Variants in PCDHGB1 observed in about 807,000 individuals in gnomAD.
PCDHGB1 encodes the protein protocadherin gamma-B1.
Under a neutral mutation model 56.6 loss-of-function variants are expected in PCDHGB1, and 34 were observed. The ratio of observed to expected loss-of-function variants is 0.60; its 90% CI spans 0.46 to 0.80. The LOEUF (loss-of-function observed/expected upper bound fraction) is 0.80. Among genes scored for constraint, PCDHGB1 ranks in the 30% least tolerant of loss-of-function variants. The pLI is 0.00. For missense variants in PCDHGB1, 1,278 were observed against 1,204.6 expected (o/e 1.06, Z -0.90); for synonymous variants, 561 against 505.9 (o/e 1.11, Z -1.46).
Position 141,511,345 on chromosome 5 carries a change from TC to T in PCDHGB1, c.*179del, listed in dbSNP as rs535135679. On this transcript the variant is annotated 3_prime_UTR_variant, in exon 4 of 4. Coordinates refer to ENST00000523390, the MANE Select transcript of PCDHGB1 (RefSeq NM_018922.3). ...AAGTGCCCAGTCAGCACCTACCCCTTCCCCCCCAGGGGGTTGAATATGCAAA... is the reference window on the plus strand; with the variant it reads ...AAGTGCCCAGTCAGCACCTACCCCTTCCCCCCAGGGGGTTGAATATGCAAA... The T allele has an allele frequency of 2.2e-5, 31 of 1,410,342 alleles. No individual in the cohort carries two copies. Among genetic ancestry groups the T allele is most frequent in the South Asian group, 2.9e-5 (2 of 68,200 alleles). 87.4% of individuals were successfully genotyped at this position (1,410,342 alleles called of 1,614,324 possible). A position where few individuals can be genotyped will look rare whatever the true frequency, so the allele number is the denominator to read the frequency against.
chr5:141,366,048 C>T (rs777611384), intron 1 of PCDHGB1: 9 of 1,614,262 alleles, frequency 5.6e-6, no homozygotes, highest in South Asian at 5.5e-5. Flanking sequence ...GACGGTTCCA[C>T]GGGCGTGGAG....
chr5:141,391,896 G>A (rs2092439615), intron 1 of PCDHGB1: 1 of 152,128 alleles, frequency 6.6e-6, no homozygotes, highest in Non-Finnish European at 1.5e-5. Flanking sequence ...ATGGGATGGA[G>A]CTTTGCTTTT....
At position 141,489,220 on chromosome 5, in the gene PCDHGB1, C is replaced by T; in HGVS notation, c.2410-5587C>T. ...AGACAGGACAGCACAGACTTACTCT[C>T]CACAAAGGGACTTCTGGGTCATGGG... On this transcript the variant is annotated intron_variant, in intron 1 of 3. Transcript: ENST00000523390. This position sits in a 1 kb window ranked among gnomAD's most constrained non-coding sequence, Gnocchi z 4.5. The T allele has an allele frequency of 6.6e-7, 1 of 1,508,698 alleles. No homozygotes were observed. The highest frequency in any genetic ancestry group is 8.9e-7 in the Non-Finnish European group (1 of 1,122,110). The allele number at this position is 1,508,698 out of a possible 1,614,324, so 93.5% of individuals were successfully genotyped here.
At chr5:141,413,812 C>T in intron 1 of PCDHGB1, 2 of 1,613,144 alleles carry the variant, frequency 1.2e-6, no homozygotes, top group Non-Finnish European at 1.7e-6. Flanking sequence ...GGCCATTCAC[C>T]ACCTGGTCCT....
chr5:141,412,108 G>A (rs897331971), intron 1 of PCDHGB1: 2 of 152,198 alleles, frequency 1.3e-5, no homozygotes, highest in Admixed American at 6.5e-5. Flanking sequence ...CACAGTTGAA[G>A]ATATGTGAAC....
intron 1 of PCDHGB1, among the ~76,000 whole-genome samples, chr5:141,484,819 G>A (rs2099601374): frequency 1.3e-5 from 2 of 152,122 alleles, no homozygotes; most frequent in Admixed American, 1.3e-4. Flanking sequence ...GCCGTTGAGC[G>A]GGAGGAAGGC....
intron 1 of PCDHGB1, chr5:141,410,045 G>A (rs962300160): frequency 1.9e-6 from 3 of 1,613,048 alleles, no homozygotes; most frequent in African/African-American, 1.3e-5. Context: ...CAGTGAGCCC[G>A]GACTCTTCAG....
intron 1 of PCDHGB1, among the ~76,000 whole-genome samples, chr5:141,437,686 G>A (rs1025629140): frequency 2.6e-5 from 4 of 151,740 alleles, no homozygotes; most frequent in African/African-American, 9.7e-5. Flanking sequence ...AACTGATGAG[G>A]CTAAATCTCA....
chr5:141,415,961 C>T, intron 1 of PCDHGB1: 1 of 438,836 alleles, frequency 2.3e-6, no homozygotes, highest in Non-Finnish European at 3.6e-6. Context: ...TATTGAAACT[C>T]CAGCCCCTTA....
In PCDHGB1 at chr5:141,432,038, C is replaced by T. The variant is rs202246871; in HGVS notation, c.2410-62769C>T. ...CAACATCACAGTGACCGCCACTGAC[C>T]GGGGAACCCCGCCCCTATCCACGGA... On this transcript the variant is annotated intron_variant, in intron 1 of 3. Coordinates refer to ENST00000523390, the MANE Select transcript of PCDHGB1 (RefSeq NM_018922.3). The surrounding 1 kb of genome is among the most constrained non-coding windows in gnomAD (Gnocchi z 6.0). 15 of 1,614,190 alleles carry T rather than the reference C, an allele frequency of 9.3e-6. No individual in the cohort carries two copies. The African/African-American group carries it at 1.5e-4, about 16-fold the overall frequency.
Position 141,476,656 on chromosome 5 carries a change from T to G in PCDHGB1, c.2410-18151T>G, listed in dbSNP as rs190269177. On this transcript the variant is annotated intron_variant, in intron 1 of 3. Transcript: ENST00000523390. The surrounding 1 kb of genome is among the most constrained non-coding windows in gnomAD (Gnocchi z 7.6). ...ATGAGCTGAGCCGAAATGAATACTTTGCGCTTCGCGTGCAGACGCGGGAGG... is the reference window on the plus strand; with the variant it reads ...ATGAGCTGAGCCGAAATGAATACTTGGCGCTTCGCGTGCAGACGCGGGAGG... The G allele has an allele frequency of 1.2e-6, 2 of 1,614,210 alleles. No individual in the cohort carries two copies. The highest frequency in any genetic ancestry group is 1.7e-6 in the Non-Finnish European group (2 of 1,180,044).
At chr5:141,355,212 T>G in intron 1 of PCDHGB1, 1 of 1,600,656 alleles carries the variant, frequency 6.2e-7, no homozygotes, top group Non-Finnish European at 8.5e-7. Flanking sequence ...TGGCGGCGCC[T>G]CCTGCTCGCC....
intron 1 of PCDHGB1, among the ~76,000 whole-genome samples, chr5:141,462,550 A>G (rs1485478117): frequency 6.6e-6 from 1 of 151,942 alleles, no homozygotes; most frequent in East Asian, 1.9e-4. Flanking sequence ...TTTCTTCTTC[A>G]GTGTTTACTG....
intron 1 of PCDHGB1, among the ~76,000 whole-genome samples, chr5:141,454,357 TAGAA>T (rs758087339): frequency 3.5e-4 from 54 of 152,354 alleles, no homozygotes; most frequent in Non-Finnish European, 6.3e-4. Context: ...GATCCAAACT[TAGAA>T]AGGAGTATGG....
chr5:141,421,679 C>A, intron 1 of PCDHGB1: 1 of 1,613,810 alleles, frequency 6.2e-7, no homozygotes, highest in East Asian at 2.2e-5. Flanking sequence ...ATTCCTGGGG[C>A]GCGATTTGCT....
At chr5:141,363,773 T>C (rs1763060078) in intron 1 of PCDHGB1, among the ~76,000 whole-genome samples, 1 of 152,230 alleles carries the variant, frequency 6.6e-6, no homozygotes, top group Non-Finnish European at 1.5e-5. Context: ...AAGCACGTTT[T>C]CCTAAATTTA....
rs781651287 is a variant in PCDHGB1, at chr5:141,505,380, A to G, written c.2469-13A>G. ...CCTGGGAGTCTGTGCTCACCATCCT[A>G]CTCTCTCCCCAGCTCCCAAAATGGC... On this transcript the variant is annotated splice_polypyrimidine_tract_variant and intron_variant, in intron 2 of 3. Transcript: ENST00000523390. The G allele has an allele frequency of 4.3e-6, 7 of 1,613,362 alleles. No homozygotes were observed. The African/African-American group carries it at 5.4e-5, about 12-fold the overall frequency.
At chr5:141,402,946 G>A (rs1012771364) in intron 1 of PCDHGB1, 1 of 1,592,686 alleles carries the variant, frequency 6.3e-7, no homozygotes, top group African/African-American at 1.4e-5. Flanking sequence ...TCCAAAGCGA[G>A]GCAGCAATGG....
intron 1 of PCDHGB1, chr5:141,419,863 G>T (rs1416582920): frequency 6.2e-7 from 1 of 1,614,108 alleles, no homozygotes; most frequent in Non-Finnish European, 8.5e-7. Flanking sequence ...CAGATAGCTT[G>T]CAAGAGGTAC....
Sources: allele counts gnomAD v4.1 joint callset (sites outside exome capture counted in the v4.1 genomes callset), GRCh38; gene constraint gnomAD v4.1.1; non-coding constraint Gnocchi (gnomAD v3.1); transcripts MANE v1.5; gene names NCBI Gene and HGNC (gene_info 2026-07-23, HGNC 2026-07-21).